The following ITFG2 variants were observed in gnomAD, a reference collection of about 807,000 sequenced individuals.
The protein encoded by ITFG2 is integrin alpha FG-GAP repeat containing 2.
A neutral mutation model predicts 54.4 loss-of-function variants in ITFG2; 36 were observed. The observed-to-expected ratio is 0.66, with a 90% CI of 0.51 to 0.87. The LOEUF (loss-of-function observed/expected upper bound fraction) is 0.87. Ranked by LOEUF, ITFG2 falls within the 40% of genes least tolerant of loss-of-function variation. The probability of loss-of-function intolerance (pLI) is 0.00; values close to 1 mark genes in which losing one functional copy is unlikely to be tolerated. For missense variants in ITFG2, 524 were observed against 576.7 expected (o/e 0.91, Z 0.94); for synonymous variants, 211 against 225.4 (o/e 0.94, Z 0.57).
intron 2 of ITFG2, among the ~76,000 whole-genome samples, chr12:2,848,104 A>G (rs2098058383): frequency 6.6e-6 from 1 of 152,210 alleles, no homozygotes; most frequent in Non-Finnish European, 1.5e-5. Context: ...GACTTTTCCA[A>G]AGGTCACATT....
intron 2 of ITFG2, among the ~76,000 whole-genome samples, chr12:2,843,619 C>T (rs1044129430): frequency 2.6e-5 from 4 of 152,118 alleles, no homozygotes; most frequent in Non-Finnish European, 5.9e-5. Flanking sequence ...TCGAGACCAA[C>T]CTGGCCAACA....
At chr12:2,846,166 G>A (rs2098052870) in intron 2 of ITFG2, among the ~76,000 whole-genome samples, 1 of 152,224 alleles carries the variant, frequency 6.6e-6, no homozygotes, top group African/African-American at 2.4e-5. Context: ...GCAGAGCAGA[G>A]GCTGTTCCGG....
Position 2,838,637 on chromosome 12 carries a change from T to C in ITFG2, n.146+1681T>C, listed in dbSNP as rs1364499288. 2.6e-5 allele frequency among the ~76,000 whole-genome samples: 4 copies of C among 152,334 alleles called. No individual in the cohort carries two copies. The East Asian group carries it at 7.7e-4, about 29-fold the overall frequency. ...AAAATGCCATTCTCTGGAATGTAGC[T>C]GTGGAGTAGGGAGAGAGTTGGCCCC... On this transcript the variant is annotated intron_variant and non_coding_transcript_variant, in intron 1 of 3. Coordinates refer to the ITFG2 transcript ENST00000537710.
rs773886350 is a variant in ITFG2, at chr12:2,817,357, A to T, written c.192+39A>T. 5.4e-6 allele frequency: 8 copies of T among 1,468,032 alleles called. No individual in the cohort carries two copies. In the East Asian group the frequency reaches 1.8e-4, roughly 33 times the overall value. The allele number at this position is 1,468,032 out of a possible 1,614,324, so 90.9% of individuals were successfully genotyped here. On this transcript the variant is annotated intron_variant, in intron 2 of 11. Coordinates refer to ENST00000228799, the MANE Select transcript of ITFG2 (RefSeq NM_018463.4). Reference sequence around the variant, plus strand: ...TCCCTGGGCCTGGAGGGGGGAAGGGATCCCTTCTGTCCAGGGACCACCTAG... The same window carrying T: ...TCCCTGGGCCTGGAGGGGGGAAGGGTTCCCTTCTGTCCAGGGACCACCTAG...
intron 2 of ITFG2, among the ~76,000 whole-genome samples, chr12:2,854,716 A>G (rs2098081764): frequency 6.6e-6 from 1 of 151,772 alleles, no homozygotes; most frequent in Non-Finnish European, 1.5e-5. Flanking sequence ...CCCTGCCTCC[A>G]CTCGCTGTTC....
intron 5 of ITFG2, 64 bp from the exon 6 acceptor site, chr12:2,820,660 C>T (rs1019700541): frequency 7.2e-5 from 88 of 1,227,874 alleles, no homozygotes; most frequent in Non-Finnish European, 9.6e-5. Context: ...CGCCCCCTGC[C>T]GTTCTCTGCA....
rs1428849414 is a variant in ITFG2 at position 2,820,724 on chromosome 12, G to C, written c.547G>C (p.Val183Leu). 1 of 1,613,080 alleles carries C rather than the reference G, an allele frequency of 6.2e-7. No homozygotes were observed. Among genetic ancestry groups the C allele is most frequent in the South Asian group, 1.1e-5 (1 of 91,048 alleles). ...SLKKWMLEGQ[V>L]DSLSVTLGPL... ...CCTTTAATCCCATTCCCTGGTGCAG[G>C]TGGACAGCCTCTCAGTGACTCTGGG... The change falls in exon 6 of 12, where the codon GTG (valine) becomes CTG (leucine). Residue 183 changes from valine (V) to leucine (L), a missense_variant and splice_region_variant. Coordinates refer to ENST00000228799, the MANE Select transcript of ITFG2 (RefSeq NM_018463.4).
chr12:2,818,406 A>C, intron 4 of ITFG2, 129 bp downstream of exon 4: 1 of 1,511,792 alleles, frequency 6.6e-7, no homozygotes, highest in Non-Finnish European at 8.9e-7. Context: ...CTGAGCTCCC[A>C]TGATAAGCCA....
At chr12:2,831,867 G>T (rs570382803), upstream of ITFG2, among the ~76,000 whole-genome samples, 3 of 152,194 alleles carry the variant, frequency 2.0e-5, no homozygotes, top group South Asian at 6.2e-4. Flanking sequence ...GAGCAGCTGG[G>T]ACCAAAAGCA....
downstream of ITFG2, among the ~76,000 whole-genome samples, chr12:2,831,697 A>G (rs7307516): frequency 0.18 from 27,037 of 152,000 alleles, 2,698 homozygotes; most frequent in South Asian, 0.34. Context: ...CCCAAATTCT[A>G]TAAGTTTTGC....
chr12:2,855,115 GT>G (rs2098083202), intron 2 of ITFG2: 2 of 1,533,978 alleles, frequency 1.3e-6, no homozygotes, highest in African/African-American at 2.7e-5. Flanking sequence ...GGGGTGCTCC[GT>G]GGGGGGGCAT....
chr12:2,854,871 G>A (rs879562870), intron 2 of ITFG2: 2 of 1,514,262 alleles, frequency 1.3e-6, no homozygotes, highest in Non-Finnish European at 1.8e-6. Flanking sequence ...GGCTGGGTGG[G>A]CTCCCTGAGG....
Position 2,838,234 on chromosome 12 carries a change from GCAGGC to G in ITFG2, n.146+1280_146+1284del, listed in dbSNP as rs567377637. Reference sequence around the variant, plus strand: ...TGAGTGACACACAGCGTGATGCTGGGCAGGCCCCAAGCTGAAAAGCATCTCCTCCA... The same window carrying G: ...TGAGTGACACACAGCGTGATGCTGGGCCCAAGCTGAAAAGCATCTCCTCCA... On this transcript the variant is annotated intron_variant and non_coding_transcript_variant, in intron 1 of 3. Coordinates refer to the ITFG2 transcript ENST00000537710. 3.9e-4 allele frequency among the ~76,000 whole-genome samples: 59 copies of G among 152,310 alleles called. 2 individuals are homozygous for G. In the South Asian group the frequency reaches 0.012, roughly 31 times the overall value.
intron 2 of ITFG2, chr12:2,854,829 C>G: frequency 6.9e-7 from 1 of 1,439,912 alleles, no homozygotes; most frequent in Non-Finnish European, 9.2e-7. Flanking sequence ...AAACAGGAAC[C>G]TGAGAGAGGG....
chr12:2,853,458 A>T (rs951444582), intron 2 of ITFG2, among the ~76,000 whole-genome samples: 4 of 151,944 alleles, frequency 2.6e-5, no homozygotes, highest in Non-Finnish European at 5.9e-5. Flanking sequence ...TTTTTAGTAG[A>T]GACGGGGTTT....
intron 2 of ITFG2, among the ~76,000 whole-genome samples, chr12:2,844,960 G>A (rs538947570): frequency 2.0e-5 from 3 of 152,224 alleles, no homozygotes; most frequent in Admixed American, 6.5e-5. Flanking sequence ...GGAGGCGTTC[G>A]TGAGGCTCTG....
At chr12:2,820,476 C>T (rs1246802339) in intron 5 of ITFG2, among the ~76,000 whole-genome samples, 2 of 152,068 alleles carry the variant, frequency 1.3e-5, no homozygotes. Flanking sequence ...CGCATCAGGA[C>T]CTAGACCCCA....
At chr12:2,859,772 T>C in exon 4 of ITFG2, 1 of 783,552 alleles carries the variant, frequency 1.3e-6, no homozygotes, top group Non-Finnish European at 2.0e-6. Flanking sequence ...TCTTAAAATC[T>C]ATTAAATATG....
At chr12:2,850,660 T>TTTG (rs1288421611) in intron 2 of ITFG2, among the ~76,000 whole-genome samples, 1 of 150,232 alleles carries the variant, frequency 6.7e-6, no homozygotes, top group Non-Finnish European at 1.5e-5. Context: ...TTGTTTTTGT[T>TTTG]TTGTTTTGTT....
Sources: gnomAD v4.1 joint callset for allele counts (sites outside exome capture counted in the v4.1 genomes callset) on GRCh38, gnomAD v4.1.1 for gene constraint, MANE v1.5 for transcripts, NCBI Gene and HGNC (gene_info 2026-07-23, HGNC 2026-07-21) for gene names.